Variants in JAM3 observed in about 807,000 individuals in gnomAD.
The protein encoded by JAM3 is junctional adhesion molecule C.
JAM3 carries 31 observed loss-of-function variants against 39.4 expected under a neutral mutation model. That is an observed-to-expected ratio of 0.79 (90% CI 0.59 to 1.06). JAM3 has a LOEUF of 1.06. Ranked by LOEUF, JAM3 falls within the 50% of genes least tolerant of loss-of-function variation. JAM3 has a pLI of 0.00. For missense variants in JAM3, 455 were observed against 391.4 expected, an observed-to-expected ratio of 1.16 and a Z score of -1.37; for synonymous variants, 182 against 148.7, an observed-to-expected ratio of 1.22 and a Z score of -1.63.
chr11:134,078,829 G>A (rs1373563761), intron 1 of JAM3, among the ~76,000 whole-genome samples: 1 of 152,008 alleles, frequency 6.6e-6, no homozygotes, highest in African/African-American at 2.4e-5. Flanking sequence ...ACCTGAGGTC[G>A]GGAGTTCGAG....
chr11:134,141,424 T>TG (rs1942970348), intron 3 of JAM3, among the ~76,000 whole-genome samples: 1 of 151,680 alleles, frequency 6.6e-6, no homozygotes, highest in Non-Finnish European at 1.5e-5. Flanking sequence ...TCCCCACTGT[T>TG]GCCGGTACAT....
intron 1 of JAM3, among the ~76,000 whole-genome samples, chr11:134,084,207 A>G (rs925692297): frequency 6.6e-6 from 1 of 152,054 alleles, no homozygotes; most frequent in Non-Finnish European, 1.5e-5. Flanking sequence ...CTTTCTGTTC[A>G]TCTCTTAACT....
intron 6 of JAM3, 102 bp from the exon 7 acceptor site, chr11:134,148,445 C>A: frequency 1.3e-6 from 2 of 1,492,980 alleles, no homozygotes; most frequent in Admixed American, 1.7e-5. Flanking sequence ...GGGCAGGGGG[C>A]AAGTGGGTTT....
intron 1 of JAM3, among the ~76,000 whole-genome samples, chr11:134,088,539 T>C (rs982771858): frequency 3.3e-5 from 5 of 152,222 alleles, no homozygotes; most frequent in African/African-American, 1.2e-4. Context: ...ATGTACATCC[T>C]TTTCTATATA....
In JAM3 at chr11:134,076,111, G is replaced by C. The variant is rs185541632; in HGVS notation, c.76+6952G>C. Among the ~76,000 whole-genome samples, 61 of 142,716 alleles carry C rather than the reference G, an allele frequency of 4.3e-4. No individual in the cohort carries two copies. The East Asian group carries it at 0.012, about 29-fold the overall frequency. 93.6% of individuals were successfully genotyped at this position (142,716 alleles called of 152,430 possible). On this transcript the variant is annotated intron_variant, in intron 1 of 8. Transcript: ENST00000299106. ...TCTTTTTATAATCAAGTTGTTTTTT[G>C]CTTGCTTAATTTTTTTACTCCTTTT...
chr11:134,127,622 C>T (rs929219741), intron 1 of JAM3, among the ~76,000 whole-genome samples: 2 of 152,224 alleles, frequency 1.3e-5, no homozygotes, highest in African/African-American at 4.8e-5. Context: ...ATCACTTGAG[C>T]CCCGGAGGTG....
chr11:134,115,278 A>G (rs1942404281), intron 1 of JAM3, among the ~76,000 whole-genome samples: 2 of 152,142 alleles, frequency 1.3e-5, no homozygotes, highest in South Asian at 4.1e-4. Context: ...TTATATTTAA[A>G]GTTGCCTTGC....
rs923998377 is a variant in JAM3 at position 134,076,833 on chromosome 11, C to T, written c.76+7674C>T. ...TTTGCAATCTCACTAACATCTATTG[C>T]TTTTTTTTTTTTTTTTTTTTGAGAT... On this transcript the variant is annotated intron_variant, in intron 1 of 8. Coordinates refer to ENST00000299106, the MANE Select transcript of JAM3 (RefSeq NM_032801.5). Among the ~76,000 whole-genome samples, 727 of 118,480 alleles carry T rather than the reference C, an allele frequency of 6.1e-3. 4 individuals are homozygous for T. Among genetic ancestry groups the T allele is most frequent in the Non-Finnish European group, 8.7e-3 (502 of 57,674 alleles). The allele number at this position is 118,480 out of a possible 152,430, so 77.7% of individuals were successfully genotyped here.
At chr11:134,092,298 A>G (rs1365065111) in intron 1 of JAM3, among the ~76,000 whole-genome samples, 2 of 150,692 alleles carry the variant, frequency 1.3e-5, no homozygotes, top group Non-Finnish European at 3.0e-5. Flanking sequence ...ATCATGTTCC[A>G]CCTTAAACGT....
intron 1 of JAM3, among the ~76,000 whole-genome samples, chr11:134,102,879 T>C (rs914457625): frequency 9.2e-5 from 14 of 152,248 alleles, no homozygotes; most frequent in African/African-American, 2.6e-4. Flanking sequence ...ACCAAATCTA[T>C]GTCTGATTGG....
At chr11:134,078,337 C>T (rs1258922774) in intron 1 of JAM3, among the ~76,000 whole-genome samples, 4 of 152,266 alleles carry the variant, frequency 2.6e-5, no homozygotes, top group African/African-American at 4.8e-5. Flanking sequence ...CCAGGCTAGT[C>T]TCAAACTCCT....
chr11:134,114,526 G>T (rs897701391), intron 1 of JAM3, among the ~76,000 whole-genome samples: 5 of 152,112 alleles, frequency 3.3e-5, no homozygotes, highest in African/African-American at 1.2e-4. Flanking sequence ...GGGCTCTGTT[G>T]TGTTCCATTG....
Position 134,140,555 on chromosome 11 carries a change from G to A in JAM3, c.143-102G>A, listed in dbSNP as rs4937868. ...GTGGAGTTGGCTACGTTTTTAATCT[G>A]CATGAAAGGCCTCTTGAATTAGAGC... On this transcript the variant is annotated intron_variant, in intron 2 of 8. Coordinates refer to ENST00000299106, the MANE Select transcript of JAM3 (RefSeq NM_032801.5). The A allele has an allele frequency of 6.5e-3, 6,006 of 926,844 alleles. 250 individuals carry two copies. The Admixed American group carries it at 0.088, about 14-fold the overall frequency. 57.4% of individuals were successfully genotyped at this position (926,844 alleles called of 1,614,324 possible).
At chr11:134,098,361 C>G (rs905208769) in intron 1 of JAM3, among the ~76,000 whole-genome samples, 3 of 152,092 alleles carry the variant, frequency 2.0e-5, no homozygotes, top group African/African-American at 7.2e-5. Flanking sequence ...TTAAAAAAAG[C>G]TAGTTCTTGG....
In JAM3 at chr11:134,115,786, A is replaced by G. The variant is rs566209631; in HGVS notation, c.77-24065A>G. 2.0e-5 allele frequency among the ~76,000 whole-genome samples: 3 copies of G among 152,134 alleles called. No homozygotes were observed. The South Asian group carries it at 6.2e-4, about 32-fold the overall frequency. On this transcript the variant is annotated intron_variant, in intron 1 of 8. Coordinates refer to ENST00000299106, the MANE Select transcript of JAM3 (RefSeq NM_032801.5). Reference sequence around the variant, plus strand: ...GTGGCACACACCTGTAGTCCCAGCTACTCAGAAAGCCAAGGTGGGAAGATG... The same window carrying G: ...GTGGCACACACCTGTAGTCCCAGCTGCTCAGAAAGCCAAGGTGGGAAGATG...
Position 134,106,586 on chromosome 11 carries a change from C to G in JAM3, c.77-33265C>G, listed in dbSNP as rs571201228. ...CAGAATGGGAGAAAATTTTTGCAAT[C>G]AACTCATCTGACAAAGGGCTAATAT... On this transcript the variant is annotated intron_variant, in intron 1 of 8. Transcript: ENST00000299106. 1.3e-4 allele frequency among the ~76,000 whole-genome samples: 20 copies of G among 152,266 alleles called. No individual in the cohort carries two copies. In the South Asian group the frequency reaches 3.1e-3, roughly 24 times the overall value.
At chr11:134,106,644 A>G (rs1020373417) in intron 1 of JAM3, among the ~76,000 whole-genome samples, 4 of 152,254 alleles carry the variant, frequency 2.6e-5, no homozygotes, top group Non-Finnish European at 5.9e-5. Flanking sequence ...ATTTACAAGA[A>G]AAAAACCTCA....
In JAM3 at chr11:134,149,298, C is replaced by G. The variant is rs1031146838; in HGVS notation, c.*117C>G. ...ACAGAGCTAGACACTCATTCAGAAG[C>G]TTTTCGTTTTGGCCAAAGTTGACCA... On this transcript the variant is annotated 3_prime_UTR_variant, in exon 9 of 9. Coordinates refer to ENST00000299106, the MANE Select transcript of JAM3 (RefSeq NM_032801.5). 3.0e-6 allele frequency: 4 copies of G among 1,314,384 alleles called. No individual in the cohort carries two copies. Among genetic ancestry groups the G allele is most frequent in the Non-Finnish European group, 4.3e-6 (4 of 929,588 alleles). The allele number at this position is 1,314,384 out of a possible 1,614,324, so 81.4% of individuals were successfully genotyped here.
At chr11:134,112,378 G>A (rs554590086) in intron 1 of JAM3, among the ~76,000 whole-genome samples, 9 of 152,170 alleles carry the variant, frequency 5.9e-5, no homozygotes, top group Middle Eastern at 3.4e-3. Context: ...GTGAGACACC[G>A]CACCCAGCCA....
Sources: gnomAD v4.1 joint callset for allele counts (sites outside exome capture counted in the v4.1 genomes callset) on GRCh38, gnomAD v4.1.1 for gene constraint, MANE v1.5 for transcripts, NCBI Gene and HGNC (gene_info 2026-07-23, HGNC 2026-07-21) for gene names.